Variants in LIN7A observed in about 807,000 individuals in gnomAD.
LIN7A encodes the protein protein lin-7 homolog A.
In LIN7A, 25 loss-of-function variants were observed where a neutral mutation model predicts 29.8. The observed-to-expected ratio is 0.84, with a 90% confidence interval of 0.61 to 1.17. The LOEUF (loss-of-function observed/expected upper bound fraction) is 1.17. LIN7A is among the 50% of genes most tolerant of loss of function. The pLI is 0.00. For synonymous variants in LIN7A, 118 were observed against 107.5 expected, an observed-to-expected ratio of 1.10 and a Z score of -0.60; for missense variants, 239 against 287.0, an observed-to-expected ratio of 0.83 and a Z score of 1.21.
At chr12:80,878,846 G>C (rs919739169) in intron 2 of LIN7A, among the ~76,000 whole-genome samples, 3 of 152,110 alleles carry the variant, frequency 2.0e-5, no homozygotes. Context: ...CCTCTAGCTA[G>C]TCACCCAGCA....
intron 4 of LIN7A, among the ~76,000 whole-genome samples, chr12:80,815,430 C>G (rs1871486819): frequency 6.6e-6 from 1 of 152,208 alleles, no homozygotes; most frequent in African/African-American, 2.4e-5. Context: ...AGCATCTATT[C>G]TTGCTTTTGA....
intron 1 of LIN7A, among the ~76,000 whole-genome samples, chr12:80,931,073 AC>A (rs1420299802): frequency 1.3e-5 from 2 of 152,200 alleles, no homozygotes; most frequent in African/African-American, 2.4e-5. Context: ...TGTGCATATA[AC>A]ACCATCTCTA....
rs548947260 is a variant in LIN7A, at chr12:80,856,834, T to TA, written c.202-8513dup. On this transcript the variant is annotated intron_variant, in intron 2 of 5. Coordinates refer to ENST00000552864, the MANE Select transcript of LIN7A (RefSeq NM_004664.4). ...TTAATAGGATGGCAATACTTATAAC[T>TA]AAAAACAAAACAAAACAAAACAAAA... Among the ~76,000 whole-genome samples the TA allele has an allele frequency of 2.1e-3, 315 of 151,044 alleles. 1 individual carries two copies. Among genetic ancestry groups the TA allele is most frequent in the African/African-American group, 7.3e-3 (295 of 40,384 alleles).
chr12:80,828,385 A>G (rs1872185259), intron 4 of LIN7A, among the ~76,000 whole-genome samples: 1 of 152,208 alleles, frequency 6.6e-6, no homozygotes, highest in Non-Finnish European at 1.5e-5. Flanking sequence ...AGAATATTAT[A>G]TAGAAGATTT....
intron 4 of LIN7A, among the ~76,000 whole-genome samples, chr12:80,812,466 A>C: frequency 6.7e-6 from 1 of 148,730 alleles, no homozygotes; most frequent in Admixed American, 6.8e-5. Flanking sequence ...AAAAAAAAAA[A>C]AAAAAAAAAG....
chr12:80,802,171 G>A (rs1162730661), intron 5 of LIN7A, among the ~76,000 whole-genome samples: 1 of 152,086 alleles, frequency 6.6e-6, no homozygotes, highest in African/African-American at 2.4e-5. Context: ...GGAATTACAG[G>A]TGTGAGCCAC....
intron 1 of LIN7A, among the ~76,000 whole-genome samples, chr12:80,896,262 A>C (rs1483193162): frequency 6.6e-6 from 1 of 152,220 alleles, no homozygotes; most frequent in African/African-American, 2.4e-5. Context: ...GGAAGGTCAG[A>C]CAAAACCAGT....
At chr12:80,935,411 A>G (rs1303060229) in intron 1 of LIN7A, among the ~76,000 whole-genome samples, 2 of 152,204 alleles carry the variant, frequency 1.3e-5, no homozygotes, top group Admixed American at 1.3e-4. Flanking sequence ...AAAGCTGCAC[A>G]GTGTTAGAAT....
chr12:80,908,027 T>C (rs1876574939), intron 1 of LIN7A, among the ~76,000 whole-genome samples: 1 of 152,110 alleles, frequency 6.6e-6, no homozygotes, highest in Admixed American at 6.5e-5. Flanking sequence ...TTATTGCCTA[T>C]GACCTAAAAG....
chr12:80,851,001 C>T (rs958166336), intron 2 of LIN7A, among the ~76,000 whole-genome samples: 1 of 152,128 alleles, frequency 6.6e-6, no homozygotes, highest in Non-Finnish European at 1.5e-5. Flanking sequence ...GATGACCACA[C>T]AGCTAATTTG....
chr12:80,801,596 A>G (rs1250473893), intron 5 of LIN7A, among the ~76,000 whole-genome samples: 2 of 152,222 alleles, frequency 1.3e-5, no homozygotes, highest in Non-Finnish European at 1.5e-5. Flanking sequence ...AATATATTGA[A>G]TTGATGTTTT....
chr12:80,864,187 C>T (rs548163377), intron 2 of LIN7A, among the ~76,000 whole-genome samples: 74 of 152,060 alleles, frequency 4.9e-4, no homozygotes, highest in Non-Finnish European at 8.5e-4. Context: ...AATCAGCTGA[C>T]CCAGACATAA....
chr12:80,864,006 AC>A (rs139682539), intron 2 of LIN7A, among the ~76,000 whole-genome samples: 3 of 152,278 alleles, frequency 2.0e-5, no homozygotes, highest in East Asian at 3.9e-4. Context: ...CAGAAACCTC[AC>A]TGAATTGAGT....
intron 5 of LIN7A, among the ~76,000 whole-genome samples, chr12:80,809,428 TC>T (rs1871185857): frequency 6.6e-6 from 1 of 152,220 alleles, no homozygotes; most frequent in African/African-American, 2.4e-5. Context: ...AAATACACAT[TC>T]ACAGACATCA....
chr12:80,901,068 T>C (rs553804681), intron 1 of LIN7A, among the ~76,000 whole-genome samples: 1 of 152,174 alleles, frequency 6.6e-6, no homozygotes, highest in African/African-American at 2.4e-5. Flanking sequence ...ACAGTTTACA[T>C]GCAGACAAAC....
At chr12:80,915,454 G>A (rs1384982177) in intron 1 of LIN7A, among the ~76,000 whole-genome samples, 1 of 152,198 alleles carries the variant, frequency 6.6e-6, no homozygotes, top group Admixed American at 6.5e-5. Context: ...CCGTTCTGGA[G>A]ATAGTTTGGG....
At position 80,799,986 on chromosome 12, in the gene LIN7A, AAAAAT is replaced by A. The variant is rs139788113; in HGVS notation, c.*1-2265_*1-2261del. 2.7e-3 allele frequency among the ~76,000 whole-genome samples: 411 copies of A among 152,258 alleles called. 2 individuals carry two copies. The highest frequency in any genetic ancestry group is 9.4e-3 in the African/African-American group (392 of 41,546). On this transcript the variant is annotated intron_variant, in intron 5 of 5. Transcript: ENST00000552864. Reference sequence around the variant, plus strand: ...ACATAGCAAGACCCTTCATCTCGAAAAAAATAAAATAAAAAGACGGATAAAATCAA... The same window carrying A: ...ACATAGCAAGACCCTTCATCTCGAAAAAAATAAAAAGACGGATAAAATCAA...
At chr12:80,799,133 T>A (rs563424924) in intron 5 of LIN7A, among the ~76,000 whole-genome samples, 1 of 152,314 alleles carries the variant, frequency 6.6e-6, no homozygotes, top group South Asian at 2.1e-4. Flanking sequence ...GATCTCTTCA[T>A]CTATCCAGGG....
chr12:80,853,713 T>C (rs1297978486), intron 2 of LIN7A, among the ~76,000 whole-genome samples: 4 of 152,118 alleles, frequency 2.6e-5, no homozygotes, highest in African/African-American at 9.7e-5. Context: ...TTTTCTTTTT[T>C]TGAGACGGAG....
Sources: gnomAD v4.1 joint callset for allele counts (sites outside exome capture counted in the v4.1 genomes callset) on GRCh38, gnomAD v4.1.1 for gene constraint, MANE v1.5 for transcripts, NCBI Gene and HGNC (gene_info 2026-07-23, HGNC 2026-07-21) for gene names.